SPECC1: variants seen among roughly 807,000 people sequenced by gnomAD.
The protein encoded by SPECC1 is cytospin-B.
SPECC1 carries 62 observed loss-of-function variants against 104.1 expected under a neutral mutation model. The ratio of observed to expected loss-of-function variants is 0.60; its 90% confidence interval spans 0.49 to 0.74. The LOEUF is 0.74. SPECC1 is among the 30% of genes least tolerant of loss of function. SPECC1 has a pLI of 0.00. For missense variants in SPECC1, 1,306 were observed against 1,310.5 expected, an observed-to-expected ratio of 1.00 and a Z score of 0.05; for synonymous variants, 513 against 501.6, an observed-to-expected ratio of 1.02 and a Z score of -0.30.
intron 4 of SPECC1, among the ~76,000 whole-genome samples, chr17:20,221,908 A>G (rs1184189527): frequency 6.6e-6 from 1 of 151,992 alleles, no homozygotes; most frequent in Non-Finnish European, 1.5e-5. Context: ...CTGGTCATTC[A>G]GGAGTGTATT....
In SPECC1 at chr17:20,040,012, CCT is replaced by C. The variant is rs564757942; in HGVS notation, c.-22+30591_-22+30592del. On this transcript the variant is annotated intron_variant, in intron 1 of 14. Transcript: ENST00000395527. ...GTTTTTAAAAAATTTAGTTTGTCCT[CCT>C]CTTTTTTTCTCTTTTTGTCTTGTCT... Among the ~76,000 whole-genome samples the C allele has an allele frequency of 4.5e-3, 682 of 152,038 alleles. 8 individuals are homozygous for C. Among genetic ancestry groups the C allele is most frequent in the African/African-American group, 0.015 (641 of 41,480 alleles).
In SPECC1 at chr17:20,096,713, G is replaced by C; in HGVS notation, c.62G>C (p.Arg21Pro). Residue 21 changes from arginine to proline, a missense_variant, in exon 2 of 15, where the codon CGG (arginine) becomes CCG (proline). Arg to Pro is a moderately radical substitution (Grantham distance 103, BLOSUM62 -2). Around this residue, in one of 2 missense-constraint regions of SPECC1, gnomAD observed 1,177 missense variants for 1,139.9 expected, o/e 1.03. Coordinates refer to ENST00000395527, the MANE Select transcript of SPECC1 (RefSeq NM_001243439.2). ...AGAGCAGGGGGCCACGGCCCAGACCGGGTGCGGCCTCTGCCTGCAGCCTCT... is the reference window on the plus strand; with the variant it reads ...AGAGCAGGGGGCCACGGCCCAGACCCGGTGCGGCCTCTGCCTGCAGCCTCT... ...AIRAGGHGPD[R>P]VRPLPAASSG... 4 of 1,614,226 alleles carry C rather than the reference G, an allele frequency of 2.5e-6. 1 individual carries two copies. The Middle Eastern group carries it at 6.6e-4, about 266-fold the overall frequency.
intron 1 of SPECC1, 83 bp from the exon 2 acceptor site, chr17:20,096,548 G>A: frequency 7.0e-7 from 1 of 1,422,302 alleles, no homozygotes; most frequent in Non-Finnish European, 9.6e-7. Context: ...ATGGTGACGT[G>A]GTATGTGGGG....
intron 1 of SPECC1, among the ~76,000 whole-genome samples, chr17:20,013,123 G>C (rs1289475733): frequency 6.6e-6 from 1 of 152,086 alleles, no homozygotes; most frequent in Non-Finnish European, 1.5e-5. Context: ...ATTTATGTTG[G>C]TTCCACATCA....
At chr17:20,155,232 A>G (rs1194433077) in intron 3 of SPECC1, 4 of 152,328 alleles carry the variant, frequency 2.6e-5, no homozygotes, top group African/African-American at 7.2e-5. Flanking sequence ...AGAGGGTAGC[A>G]TCCTGGAACC....
intron 3 of SPECC1, chr17:20,113,137 C>A: frequency 9.9e-6 from 6 of 608,950 alleles, no homozygotes; most frequent in South Asian, 4.4e-5. Context: ...CTCAGTGGTG[C>A]ATAAGGGAAA....
chr17:20,169,519 T>C (rs2033921408), intron 3 of SPECC1, among the ~76,000 whole-genome samples: 1 of 152,164 alleles, frequency 6.6e-6, no homozygotes, highest in Non-Finnish European at 1.5e-5. Flanking sequence ...TAAATCTTCC[T>C]TTTGGAATTT....
intron 1 of SPECC1, among the ~76,000 whole-genome samples, chr17:20,049,588 G>C (rs1334553550): frequency 6.6e-6 from 1 of 152,016 alleles, no homozygotes; most frequent in Non-Finnish European, 1.5e-5. Flanking sequence ...ACTCTGTCTG[G>C]ATATGAGTCA....
At chr17:20,150,814 A>C (rs1335119790) in intron 3 of SPECC1, among the ~76,000 whole-genome samples, 3 of 152,288 alleles carry the variant, frequency 2.0e-5, no homozygotes, top group Non-Finnish European at 1.5e-5. Flanking sequence ...TTGGTATAGA[A>C]AAAAAGTCTT....
intron 10 of SPECC1, 61 bp from the exon 11 acceptor site, chr17:20,257,390 G>A (rs1024361703): frequency 2.0e-6 from 3 of 1,505,212 alleles, no homozygotes; most frequent in Non-Finnish European, 2.7e-6. Flanking sequence ...TGAGAATGAA[G>A]TATGATGGCA....
intron 1 of SPECC1, among the ~76,000 whole-genome samples, chr17:20,072,715 C>T (rs967382694): frequency 2.0e-5 from 3 of 152,200 alleles, no homozygotes; most frequent in Non-Finnish European, 4.4e-5. Flanking sequence ...CAAACCCATG[C>T]CACCTGCTAT....
chr17:20,298,276 T>C (rs888920791), intron 13 of SPECC1, among the ~76,000 whole-genome samples: 2 of 151,514 alleles, frequency 1.3e-5, no homozygotes, highest in Admixed American at 6.6e-5. Context: ...TGCTTGAACC[T>C]GGGAGGCAGA....
chr17:20,288,771 C>CTTTTTTTTTTTTTTTTTTTTTTTT, intron 12 of SPECC1, among the ~76,000 whole-genome samples: 1 of 73,708 alleles, frequency 1.4e-5, no homozygotes, highest in African/African-American at 6.2e-5. Context: ...AAGGGCACTT[C>CTTTTTTTTTTTTTTTTTTTTTTTT]TTTTTTTTTT....
chr17:20,161,003 C>T (rs2033090823), intron 3 of SPECC1, among the ~76,000 whole-genome samples: 1 of 152,098 alleles, frequency 6.6e-6, no homozygotes, highest in Non-Finnish European at 1.5e-5. Context: ...ATGAAAATTT[C>T]ATTTTGAGAC....
Position 20,237,261 on chromosome 17 carries a change from C to T in SPECC1, c.2351+4856C>T, listed in dbSNP as rs1183473172. ...AGAGCAGATGCAGAGCTGGGTACAG[C>T]GCAGGCCCGAGTTCTTTTGTTTTTT... On this transcript the variant is annotated intron_variant, in intron 7 of 14. Transcript: ENST00000395527. 16 of 1,132,414 alleles carry T rather than the reference C, an allele frequency of 1.4e-5. No individual in the cohort carries two copies. The Admixed American group carries it at 1.8e-4, about 13-fold the overall frequency. The allele number at this position is 1,132,414 out of a possible 1,614,324, so 70.1% of individuals were successfully genotyped here.
chr17:20,111,810 G>A (rs35602968), intron 3 of SPECC1: 187 of 833,988 alleles, frequency 2.2e-4, no homozygotes, highest in Non-Finnish European at 3.4e-4. Context: ...AGGACCCAGG[G>A]GGGGGGCAGC....
At chr17:20,301,483 TA>T (rs924951439) in intron 13 of SPECC1, among the ~76,000 whole-genome samples, 1 of 152,084 alleles carries the variant, frequency 6.6e-6, no homozygotes, top group Admixed American at 6.6e-5. Flanking sequence ...GTAAAACTAT[TA>T]AAATCAAAAT....
chr17:20,295,127 C>T (rs1250566933), intron 12 of SPECC1, among the ~76,000 whole-genome samples: 2 of 151,396 alleles, frequency 1.3e-5, no homozygotes, highest in Non-Finnish European at 2.9e-5. Flanking sequence ...CCCATTAACT[C>T]ATCATTTACA....
rs1299724270 is a variant in SPECC1, at chr17:20,317,550, C to T, written c.*3485C>T. ...CTGGGACTACAGGGGTAAGCCACCG[C>T]GCCTGGCCCAAAATTTTGTTTTTTA... is the stretch of plus-strand genomic sequence containing the variant. On this transcript the variant is annotated 3_prime_UTR_variant, in exon 15 of 15. Transcript: ENST00000395527. The T allele has an allele frequency of 5.3e-5, 10 of 188,392 alleles. No homozygotes were observed. The highest frequency in any genetic ancestry group is 7.8e-5 in the Non-Finnish European group (7 of 89,630). The allele number at this position is 188,392 out of a possible 1,614,324, so 11.7% of individuals were successfully genotyped here.
Sources: gnomAD v4.1 joint callset for allele counts (sites outside exome capture counted in the v4.1 genomes callset) on GRCh38, gnomAD v4.1.1 for gene constraint, gnomAD v4.1.1 regional missense constraint, MANE v1.5 for transcripts, NCBI Gene and HGNC (gene_info 2026-07-23, HGNC 2026-07-21) for gene names.